The following MYO3A variants were observed in gnomAD, a reference collection of about 807,000 sequenced individuals.
MYO3A encodes the protein myosin-IIIa.
Under a neutral mutation model 192.7 loss-of-function variants are expected in MYO3A, and 180 were observed. The ratio of observed to expected loss-of-function variants is 0.93; its 90% CI spans 0.83 to 1.06. The LOEUF is 1.06. MYO3A is among the 50% of genes least tolerant of loss of function. The pLI, the probability that MYO3A is intolerant of heterozygous loss-of-function variation, is 0.00. For missense variants in MYO3A, 1,896 were observed against 1,905.0 expected, an observed-to-expected ratio of 1.00 and a Z score of 0.09; for synonymous variants, 628 against 645.3, an observed-to-expected ratio of 0.97 and a Z score of 0.41.
At chr10:26,208,364 A>G (rs1413638247) in intron 34 of MYO3A, among the ~76,000 whole-genome samples, 1 of 152,208 alleles carries the variant, frequency 6.6e-6, no homozygotes, top group Admixed American at 6.5e-5. Context: ...CAACAAAAAA[A>G]GAGGCAAAAG....
At chr10:26,154,343 C>G (rs7475334) in intron 24 of MYO3A, among the ~76,000 whole-genome samples, 1 of 152,050 alleles carries the variant, frequency 6.6e-6, no homozygotes, top group Non-Finnish European at 1.5e-5. Context: ...CCACACCCAG[C>G]TAATTTTTCT....
At chr10:26,209,528 C>A (rs1358801868) in intron 34 of MYO3A, among the ~76,000 whole-genome samples, 1 of 152,196 alleles carries the variant, frequency 6.6e-6, no homozygotes, top group Non-Finnish European at 1.5e-5. Context: ...CCTCTCCCAG[C>A]ACGACACTGA....
intron 18 of MYO3A, among the ~76,000 whole-genome samples, chr10:26,124,856 AG>A: frequency 6.6e-6 from 1 of 152,346 alleles, no homozygotes; most frequent in Admixed American, 6.5e-5. Flanking sequence ...GAAACTAAAA[AG>A]TAGGATGATA....
chr10:26,003,530 C>A (rs1230503170), intron 6 of MYO3A, among the ~76,000 whole-genome samples: 1 of 151,954 alleles, frequency 6.6e-6, no homozygotes, highest in Non-Finnish European at 1.5e-5. Context: ...AAAAAATCAC[C>A]AGATACCTCA....
At position 26,212,033 on chromosome 10, in the gene MYO3A, A is replaced by C. The variant is rs1173941404; in HGVS notation, c.*70A>C. On this transcript the variant is annotated 3_prime_UTR_variant, in exon 35 of 35. Coordinates refer to ENST00000642920, the MANE Select transcript of MYO3A (RefSeq NM_017433.5). ...GCGGGGCAGCAGGGGCCAAGCAGGC[A>C]CTCTGGGGCTGGCACCAGCAGGCAC... 4 of 1,563,164 alleles carry C rather than the reference A, an allele frequency of 2.6e-6. No homozygotes were observed. The highest frequency in any genetic ancestry group is 2.7e-5 in the African/African-American group (2 of 73,258).
intron 17 of MYO3A, among the ~76,000 whole-genome samples, chr10:26,103,301 G>A (rs1474457032): frequency 6.6e-6 from 1 of 152,184 alleles, no homozygotes; most frequent in Non-Finnish European, 1.5e-5. Context: ...GCTTCCCTTG[G>A]CTTGAAAGGG....
At chr10:26,019,215 TTCTATTTA>T (rs1842144878) in intron 7 of MYO3A, among the ~76,000 whole-genome samples, 1 of 145,582 alleles carries the variant, frequency 6.9e-6, no homozygotes, top group Non-Finnish European at 1.5e-5. Flanking sequence ...TTTCTGGTTA[TTCTATTTA>T]TTTATTTATT....
At chr10:26,062,239 C>T (rs34443692) in intron 10 of MYO3A, among the ~76,000 whole-genome samples, 71,245 of 151,028 alleles carry the variant, frequency 0.47, 17,645 homozygotes, top group Middle Eastern at 0.59. Flanking sequence ...TTTTAAGTGG[C>T]ATAAAAAATT....
chr10:26,139,183 T>A (rs1023449998), intron 20 of MYO3A, among the ~76,000 whole-genome samples: 3 of 152,186 alleles, frequency 2.0e-5, no homozygotes, highest in Non-Finnish European at 4.4e-5. Flanking sequence ...AAATACATAA[T>A]CAAAGAAATG....
intron 6 of MYO3A, among the ~76,000 whole-genome samples, chr10:25,998,889 T>C (rs1445611816): frequency 6.6e-6 from 1 of 152,088 alleles, no homozygotes; most frequent in Non-Finnish European, 1.5e-5. Context: ...CTTTTATATA[T>C]TTTTGTTTTG....
intron 10 of MYO3A, among the ~76,000 whole-genome samples, chr10:26,065,322 G>A (rs1010928640): frequency 6.6e-6 from 1 of 152,070 alleles, no homozygotes; most frequent in Non-Finnish European, 1.5e-5. Context: ...GGTGGCTCAC[G>A]CCTATAATCC....
chr10:26,159,513 G>T lies in MYO3A; in HGVS notation c.2999+1998G>T, dbSNP rs141784548. Among the ~76,000 whole-genome samples, 349 of 146,956 alleles carry T rather than the reference G, an allele frequency of 2.4e-3. 3 individuals are homozygous for T. Among genetic ancestry groups the T allele is most frequent in the African/African-American group, 8.3e-3 (331 of 39,822 alleles). ...TCCTGCCTCAGCCTCCCGAGTAGCT[G>T]GGACTACAGGTGCCCACCACCACGC... On this transcript the variant is annotated intron_variant, in intron 26 of 34. Coordinates refer to ENST00000642920, the MANE Select transcript of MYO3A (RefSeq NM_017433.5).
intron 10 of MYO3A, among the ~76,000 whole-genome samples, chr10:26,059,018 C>CT (rs1834302397): frequency 2.3e-5 from 1 of 43,798 alleles, no homozygotes; most frequent in South Asian, 7.8e-4. Flanking sequence ...AAAGCAGTGA[C>CT]TTTTTTATAT....
At chr10:26,147,268 A>G (rs1840524835) in intron 22 of MYO3A, among the ~76,000 whole-genome samples, 162 bp from the exon 23 acceptor site, 1 of 152,016 alleles carries the variant, frequency 6.6e-6, no homozygotes, top group Admixed American at 6.6e-5. Context: ...ATAAGGAGCT[A>G]CCTTAAGATG....
At chr10:26,154,328 C>T (rs1840974645) in intron 24 of MYO3A, among the ~76,000 whole-genome samples, 1 of 152,034 alleles carries the variant, frequency 6.6e-6, no homozygotes, top group Non-Finnish European at 1.5e-5. Flanking sequence ...ATTACAGGTA[C>T]CCACCCACAC....
chr10:26,125,381 A>T lies in MYO3A; in HGVS notation c.1904-17A>T. ...TTGCCATAATTTCTTCTAACAATGC[A>T]TCTGTTTGTTTTTCAGGTGCTTCTT... On this transcript the variant is annotated splice_polypyrimidine_tract_variant and intron_variant, in intron 18 of 34. Transcript: ENST00000642920. 6.2e-7 allele frequency: 1 copy of T among 1,613,272 alleles called. No homozygotes were observed. The highest frequency in any genetic ancestry group is 8.5e-7 in the Non-Finnish European group (1 of 1,179,410).
intron 4 of MYO3A, among the ~76,000 whole-genome samples, chr10:25,963,571 G>A (rs1416855): frequency 0.67 from 101,594 of 152,034 alleles, 34,375 homozygotes; most frequent in African/African-American, 0.77. Context: ...CAGGAGTGAG[G>A]AACTGGGCTG....
intron 15 of MYO3A, among the ~76,000 whole-genome samples, chr10:26,091,383 G>A (rs2131528811): frequency 6.6e-6 from 1 of 152,218 alleles, no homozygotes; most frequent in South Asian, 2.1e-4. Flanking sequence ...TAGTTTTCAA[G>A]GAGAAAATTT....
At chr10:26,073,541 C>T (rs61840796) in intron 14 of MYO3A, among the ~76,000 whole-genome samples, 95 of 43,052 alleles carry the variant, frequency 2.2e-3, no homozygotes, top group South Asian at 5.5e-3. Flanking sequence ...TGCAGTGAGC[C>T]GAGATTGCGC....
Sources: gnomAD v4.1 joint callset for allele counts (sites outside exome capture counted in the v4.1 genomes callset) on GRCh38, gnomAD v4.1.1 for gene constraint, MANE v1.5 for transcripts, NCBI Gene and HGNC (gene_info 2026-07-23, HGNC 2026-07-21) for gene names.